Variants in CAMTA1 observed in about 807,000 individuals in gnomAD.
CAMTA1 encodes calmodulin-binding transcription activator 1.
In CAMTA1, 27 loss-of-function variants were observed where a neutral mutation model predicts 170.9. The observed-to-expected ratio is 0.16, with a 90% confidence interval of 0.12 to 0.22. CAMTA1 has a LOEUF of 0.22. Ranked by LOEUF, CAMTA1 falls within the 10% of genes least tolerant of loss-of-function variation. CAMTA1 has a pLI of 1.00. For missense variants in CAMTA1, 1,619 were observed against 2,217.2 expected, an observed-to-expected ratio of 0.73 and a Z score of 5.42; for synonymous variants, 833 against 891.5, an observed-to-expected ratio of 0.93 and a Z score of 1.17.
chr1:7,717,228 A>G (rs1453297846), intron 11 of CAMTA1, among the ~76,000 whole-genome samples: 1 of 152,180 alleles, frequency 6.6e-6, no homozygotes, highest in Non-Finnish European at 1.5e-5. Flanking sequence ...TCATCATGAT[A>G]TATTCCTGAA....
At chr1:7,124,920 G>A (rs1233427447) in intron 4 of CAMTA1, among the ~76,000 whole-genome samples, 1 of 152,168 alleles carries the variant, frequency 6.6e-6, no homozygotes, top group African/African-American at 2.4e-5. Context: ...GTCAGGAAGG[G>A]GAAGGGAGGA....
intron 3 of CAMTA1, among the ~76,000 whole-genome samples, chr1:6,974,239 C>G (rs756388697): frequency 6.6e-6 from 1 of 152,138 alleles, no homozygotes. Flanking sequence ...AACCCGGAGT[C>G]GGAGAATCCA....
intron 5 of CAMTA1, among the ~76,000 whole-genome samples, chr1:7,330,983 T>G (rs1047395861): frequency 3.3e-5 from 5 of 152,212 alleles, no homozygotes; most frequent in Admixed American, 6.5e-5. Flanking sequence ...GGCTCATGCC[T>G]GTAATCAGCA....
intron 7 of CAMTA1, among the ~76,000 whole-genome samples, chr1:7,652,641 G>A (rs2095855172): frequency 6.6e-6 from 1 of 152,144 alleles, no homozygotes; most frequent in African/African-American, 2.4e-5. Flanking sequence ...TGAGTTTCCT[G>A]CACAGTCACC....
intron 5 of CAMTA1, among the ~76,000 whole-genome samples, chr1:7,442,508 G>A (rs1016802954): frequency 1.3e-5 from 2 of 152,216 alleles, no homozygotes; most frequent in African/African-American, 4.8e-5. Context: ...TATTCATGGA[G>A]GTGGTAGCAG....
chr1:6,861,828 C>G (rs1407380652), intron 3 of CAMTA1, among the ~76,000 whole-genome samples: 1 of 152,140 alleles, frequency 6.6e-6, no homozygotes, highest in Non-Finnish European at 1.5e-5. Flanking sequence ...TCTTGTAAAA[C>G]CGAAACTCTG....
At chr1:7,135,475 G>A (rs1483340484) in intron 4 of CAMTA1, among the ~76,000 whole-genome samples, 2 of 152,172 alleles carry the variant, frequency 1.3e-5, no homozygotes, top group Admixed American at 1.3e-4. Context: ...ACTGCTGGTA[G>A]GGATGCAAAT....
At position 7,063,467 on chromosome 1, in the gene CAMTA1, T is replaced by C. The variant is rs1477768513; in HGVS notation, c.235-27837T>C. On this transcript the variant is annotated intron_variant, in intron 3 of 22. Coordinates refer to ENST00000303635, the MANE Select transcript of CAMTA1 (RefSeq NM_015215.4). The surrounding 1 kb of genome is among the most constrained non-coding windows in gnomAD (Gnocchi z 4.3). ...CCACGGAGCACACCTCGGGAAACAC[T>C]AGTTTAGCTGCATTGCAGATTGGAG... Among the ~76,000 whole-genome samples the C allele has an allele frequency of 6.6e-6, 1 of 152,198 alleles. No individual in the cohort carries two copies. The highest frequency in any genetic ancestry group is 2.4e-5 in the African/African-American group (1 of 41,450).
At chr1:7,458,009 C>T (rs1027526169) in intron 5 of CAMTA1, among the ~76,000 whole-genome samples, 4 of 152,226 alleles carry the variant, frequency 2.6e-5, no homozygotes, top group South Asian at 2.1e-4. Context: ...ACGTGTCCTG[C>T]GCCTGCCTGG....
intron 6 of CAMTA1, among the ~76,000 whole-genome samples, chr1:7,491,161 C>CA (rs1364775128): frequency 6.6e-6 from 1 of 152,196 alleles, no homozygotes; most frequent in Non-Finnish European, 1.5e-5. Flanking sequence ...TTGGGCTGTA[C>CA]AGCACCCTGA....
chr1:7,140,519 G>A (rs1438689272), intron 4 of CAMTA1, among the ~76,000 whole-genome samples: 1 of 152,154 alleles, frequency 6.6e-6, no homozygotes, highest in East Asian at 1.9e-4. Flanking sequence ...GCAATGAGAA[G>A]ATGGACTTGT....
In CAMTA1 at chr1:7,478,141, C is replaced by G. The variant is rs138292315; in HGVS notation, c.510+10240C>G. On this transcript the variant is annotated intron_variant, in intron 6 of 22. Coordinates refer to ENST00000303635, the MANE Select transcript of CAMTA1 (RefSeq NM_015215.4). ...GAAGTGGTGGCTGTTTTCACCCCAC[C>G]AGGACCCTTTCCAGCAGCTTTTACT... Among the ~76,000 whole-genome samples, 252 of 152,350 alleles carry G rather than the reference C, an allele frequency of 1.7e-3. 2 individuals carry two copies. Among genetic ancestry groups the G allele is most frequent in the African/African-American group, 5.7e-3 (237 of 41,592 alleles).
Position 7,215,225 on chromosome 1 carries a change from A to G in CAMTA1, c.303-34266A>G, listed in dbSNP as rs1659546860. 2.0e-5 allele frequency among the ~76,000 whole-genome samples: 3 copies of G among 151,714 alleles called. 1 individual carries two copies. Among genetic ancestry groups the G allele is most frequent in the Non-Finnish European group, 4.4e-5 (3 of 67,894 alleles). ...CCCACCTCATTTATTTCTACATCTA[A>G]CTTTATTTTCCCCTTTCTTATGGTT... On this transcript the variant is annotated intron_variant, in intron 4 of 22. Coordinates refer to ENST00000303635, the MANE Select transcript of CAMTA1 (RefSeq NM_015215.4).
At position 7,074,267 on chromosome 1, in the gene CAMTA1, G is replaced by A. The variant is rs940787347; in HGVS notation, c.235-17037G>A. Among the ~76,000 whole-genome samples, 4 of 152,176 alleles carry A rather than the reference G, an allele frequency of 2.6e-5. No individual in the cohort carries two copies. The East Asian group carries it at 7.7e-4, about 29-fold the overall frequency. On this transcript the variant is annotated intron_variant, in intron 3 of 22. Transcript: ENST00000303635. ...CTGTATGGCTGTGCAAATGAAGCAC[G>A]CTGCTTCCCTCATTCCTGTATTCAG...
chr1:7,575,503 G>T (rs2095180303), intron 6 of CAMTA1, among the ~76,000 whole-genome samples: 1 of 152,202 alleles, frequency 6.6e-6, no homozygotes, highest in African/African-American at 2.4e-5. Flanking sequence ...CATGTGTACA[G>T]CCCTGAGGCA....
In CAMTA1 at chr1:7,576,527, G is replaced by A. The variant is rs549197954; in HGVS notation, c.511-63873G>A. 2.6e-5 allele frequency among the ~76,000 whole-genome samples: 4 copies of A among 152,312 alleles called. No individual in the cohort carries two copies. In the South Asian group the frequency reaches 8.3e-4, roughly 32 times the overall value. ...CACCGTGTGAGGACGCAAGCAAGAAGGCACTGTCTAGGAACCAGGAAGGGG... is the reference window on the plus strand; with the variant it reads ...CACCGTGTGAGGACGCAAGCAAGAAAGCACTGTCTAGGAACCAGGAAGGGG... On this transcript the variant is annotated intron_variant, in intron 6 of 22. Coordinates refer to ENST00000303635, the MANE Select transcript of CAMTA1 (RefSeq NM_015215.4).
At chr1:7,672,201 T>C (rs1177530836) in intron 10 of CAMTA1, 3 of 389,658 alleles carry the variant, frequency 7.7e-6, no homozygotes, top group Non-Finnish European at 1.5e-5. Context: ...TGTAGAAGAC[T>C]GGGGGTGAGG....
intron 4 of CAMTA1, among the ~76,000 whole-genome samples, chr1:7,137,163 T>C (rs1419598688): frequency 6.6e-6 from 1 of 152,098 alleles, no homozygotes; most frequent in Non-Finnish European, 1.5e-5. Context: ...TTTCTTCTCT[T>C]CCCTCCTTTA....
At chr1:7,739,708 C>T (rs1314055985) in intron 16 of CAMTA1, among the ~76,000 whole-genome samples, 8 of 152,180 alleles carry the variant, frequency 5.3e-5, no homozygotes, top group African/African-American at 1.4e-4. Flanking sequence ...TTCACTACCA[C>T]GAGAACAGTA....
Sources: gnomAD v4.1 joint callset for allele counts (sites outside exome capture counted in the v4.1 genomes callset) on GRCh38, gnomAD v4.1.1 for gene constraint, Gnocchi (gnomAD v3.1) non-coding constraint, MANE v1.5 for transcripts, NCBI Gene and HGNC (gene_info 2026-07-23, HGNC 2026-07-21) for gene names.